Variants in NRXN1 observed in about 807,000 individuals in gnomAD.
The protein encoded by NRXN1 is neurexin-1.
NRXN1 carries 39 observed loss-of-function variants against 150.9 expected under a neutral mutation model. The observed-to-expected ratio is 0.26, with a 90% confidence interval of 0.20 to 0.34. The LOEUF (loss-of-function observed/expected upper bound fraction) is 0.34, where lower values mean the gene tolerates loss of function less well. Ranked by LOEUF, NRXN1 falls within the 10% of genes least tolerant of loss-of-function variation. The pLI is 1.00. For synonymous variants in NRXN1, 924 were observed against 757.0 expected (o/e 1.22, Z -3.62); for missense variants, 1,815 against 1,949.9 (o/e 0.93, Z 1.30).
intron 17 of NRXN1, among the ~76,000 whole-genome samples, chr2:50,287,928 T>C (rs1020683600): frequency 2.0e-5 from 3 of 152,104 alleles, no homozygotes; most frequent in Admixed American, 6.6e-5. Flanking sequence ...AATCTGGTTA[T>C]TTGAATTTGG....
chr2:50,955,998 C>T (rs2104638151), intron 2 of NRXN1, among the ~76,000 whole-genome samples: 1 of 152,180 alleles, frequency 6.6e-6, no homozygotes, highest in African/African-American at 2.4e-5. Context: ...AAAACTAGTG[C>T]CTGGCTCTAC....
At chr2:50,549,552 C>T (rs1667121716) in intron 9 of NRXN1, among the ~76,000 whole-genome samples, 1 of 152,082 alleles carries the variant, frequency 6.6e-6, no homozygotes, top group African/African-American at 2.4e-5. Flanking sequence ...TCTCATGCTT[C>T]GTTTATTTTC....
intron 5 of NRXN1, among the ~76,000 whole-genome samples, chr2:50,831,394 C>G (rs888417753): frequency 6.6e-6 from 1 of 152,156 alleles, no homozygotes. Flanking sequence ...CCAATGTAAA[C>G]ATGTCTAATT....
chr2:50,765,640 C>T lies in NRXN1; in HGVS notation c.833-142025G>A, dbSNP rs187933007. ...ATAATCAAGGCTTCTTTCTACATGC[C>T]GCAACATAGTCAATTTGAAAATAAG... On this transcript the variant is annotated intron_variant, in intron 5 of 22. Coordinates refer to ENST00000401669, the MANE Select transcript of NRXN1 (RefSeq NM_001330078.2). Among the ~76,000 whole-genome samples, 79 of 152,084 alleles carry T rather than the reference C, an allele frequency of 5.2e-4. 1 individual carries two copies. Among genetic ancestry groups the T allele is most frequent in the African/African-American group, 1.8e-3 (75 of 41,514 alleles).
chr2:50,515,666 T>G (rs2092610003), intron 12 of NRXN1, among the ~76,000 whole-genome samples: 1 of 150,132 alleles, frequency 6.7e-6, no homozygotes, highest in African/African-American at 2.5e-5. Flanking sequence ...TGTTAAAAAT[T>G]TGGTTATTAG....
At chr2:50,805,583 T>C (rs551588351) in intron 5 of NRXN1, among the ~76,000 whole-genome samples, 5 of 152,060 alleles carry the variant, frequency 3.3e-5, no homozygotes, top group Middle Eastern at 3.4e-3. Context: ...GAGGTTGCAG[T>C]GAGCCAAGAT....
intron 10 of NRXN1, among the ~76,000 whole-genome samples, chr2:50,537,649 G>C (rs1456551240): frequency 6.6e-6 from 1 of 152,202 alleles, no homozygotes; most frequent in Non-Finnish European, 1.5e-5. Context: ...ATCCTCTGCA[G>C]TTGGTTAGGT....
chr2:50,833,799 T>C lies in NRXN1; in HGVS notation c.832+88070A>G, dbSNP rs116593575. ...CACTCAAAAAGTCAATTTTCTTATA[T>C]GTTAATTTAAAAAAATCTTCTAAGG... On this transcript the variant is annotated intron_variant, in intron 5 of 22. Coordinates refer to ENST00000401669, the MANE Select transcript of NRXN1 (RefSeq NM_001330078.2). Among the ~76,000 whole-genome samples the C allele has an allele frequency of 9.9e-3, 1,508 of 152,282 alleles. 18 individuals carry two copies. The highest frequency in any genetic ancestry group is 0.034 in the African/African-American group (1,432 of 41,552).
chr2:50,424,734 C>G (rs1287938865), intron 17 of NRXN1, among the ~76,000 whole-genome samples: 1 of 152,124 alleles, frequency 6.6e-6, no homozygotes, highest in East Asian at 1.9e-4. Context: ...ATTCAGCACC[C>G]ATATCTAATG....
chr2:50,639,562 G>T (rs1683766883), intron 5 of NRXN1, among the ~76,000 whole-genome samples: 1 of 151,796 alleles, frequency 6.6e-6, no homozygotes, highest in African/African-American at 2.4e-5. Flanking sequence ...AGATTTAAAT[G>T]GACATCTTTA....
Position 50,246,268 on chromosome 2 carries a change from C to T in NRXN1, c.3365-9298G>A, listed in dbSNP as rs576019895. On this transcript the variant is annotated intron_variant, in intron 17 of 22. Transcript: ENST00000401669. Reference sequence around the variant, plus strand: ...AGACAAATTTTCCTTATTTTTACCACAGTCACTTTTACTCTATACCAGAAA... The same window carrying T: ...AGACAAATTTTCCTTATTTTTACCATAGTCACTTTTACTCTATACCAGAAA... Among the ~76,000 whole-genome samples, 5 of 152,022 alleles carry T rather than the reference C, an allele frequency of 3.3e-5. No homozygotes were observed. The East Asian group carries it at 9.7e-4, about 29-fold the overall frequency.
intron 2 of NRXN1, among the ~76,000 whole-genome samples, chr2:50,965,512 T>G (rs926687328): frequency 6.6e-6 from 1 of 151,568 alleles, no homozygotes; most frequent in African/African-American, 2.4e-5. Context: ...AATAACAAAA[T>G]AATGTTATTA....
chr2:50,425,662 A>G (rs1172319708), intron 17 of NRXN1, among the ~76,000 whole-genome samples: 3 of 152,024 alleles, frequency 2.0e-5, no homozygotes, highest in Non-Finnish European at 2.9e-5. Context: ...GTTCAGGTTC[A>G]TTTTCCTTTG....
intron 5 of NRXN1, among the ~76,000 whole-genome samples, chr2:50,682,918 T>C (rs1690623258): frequency 6.6e-6 from 1 of 152,196 alleles, no homozygotes; most frequent in Admixed American, 6.5e-5. Flanking sequence ...AACACATTTG[T>C]ATGCAAGTTT....
intron 8 of NRXN1, chr2:50,616,369 G>A (rs1036704645): frequency 1.3e-5 from 2 of 152,022 alleles, no homozygotes; most frequent in East Asian, 1.9e-4. Context: ...GTTGTTCTAC[G>A]TGCAAGCAAA....
intron 5 of NRXN1, among the ~76,000 whole-genome samples, chr2:50,749,763 T>C (rs775237072): frequency 1.3e-5 from 2 of 152,078 alleles, no homozygotes; most frequent in African/African-American, 4.8e-5. Context: ...TCAAAGGTCA[T>C]TTGAATCCAA....
rs113440017 is a variant in NRXN1 at position 50,396,618 on chromosome 2, C to G, written c.3364+68824G>C. On this transcript the variant is annotated intron_variant, in intron 17 of 22. Transcript: ENST00000401669. ...TTTGGTGTTAACAGGGCTATGTCTG[C>G]TTTGCTCTAGTGATTCCTAACCTAC... Among the ~76,000 whole-genome samples the G allele has an allele frequency of 2.6e-3, 401 of 152,176 alleles. 4 individuals carry two copies. Among genetic ancestry groups the G allele is most frequent in the African/African-American group, 9.1e-3 (377 of 41,534 alleles).
intron 17 of NRXN1, among the ~76,000 whole-genome samples, chr2:50,332,282 A>G (rs1284406382): frequency 6.6e-6 from 1 of 152,212 alleles, no homozygotes; most frequent in East Asian, 1.9e-4. Flanking sequence ...AGAAGAGGTT[A>G]TTTAGAAATC....
chr2:50,858,144 T>C (rs1173312128), intron 5 of NRXN1, among the ~76,000 whole-genome samples: 1 of 152,066 alleles, frequency 6.6e-6, no homozygotes, highest in East Asian at 1.9e-4. Flanking sequence ...AAATGCTTCA[T>C]TGTTTGTGCA....
Sources: allele counts gnomAD v4.1 joint callset (sites outside exome capture counted in the v4.1 genomes callset), GRCh38; gene constraint gnomAD v4.1.1; transcripts MANE v1.5; gene names NCBI Gene and HGNC (gene_info 2026-07-23, HGNC 2026-07-21).